The following CCSER1 variants were observed in gnomAD, a reference collection of about 807,000 sequenced individuals.
The protein encoded by CCSER1 is coiled-coil serine rich protein 1.
CCSER1 carries 41 observed loss-of-function variants against 82.0 expected under a neutral mutation model. That is an observed-to-expected ratio of 0.50 (90% CI 0.39 to 0.65). The LOEUF (loss-of-function observed/expected upper bound fraction) is 0.65. CCSER1 is among the 30% of genes least tolerant of loss of function. The pLI is 0.00. For missense variants in CCSER1, 1,119 were observed against 1,064.2 expected (o/e 1.05, Z -0.72); for synonymous variants, 414 against 383.9 (o/e 1.08, Z -0.92).
At chr4:91,140,126 G>A (rs1728887342) in intron 10 of CCSER1, among the ~76,000 whole-genome samples, 1 of 151,928 alleles carries the variant, frequency 6.6e-6, no homozygotes, top group Non-Finnish European at 1.5e-5. Flanking sequence ...AAGGTAGAGT[G>A]TATGAAATTA....
intron 10 of CCSER1, among the ~76,000 whole-genome samples, chr4:91,371,151 C>T (rs375253811): frequency 2.2e-4 from 33 of 152,280 alleles, no homozygotes; most frequent in African/African-American, 6.7e-4. Context: ...GCATGAGCCA[C>T]CACAACTGCC....
At chr4:91,110,021 T>C (rs1398317911) in intron 10 of CCSER1, among the ~76,000 whole-genome samples, 2 of 152,056 alleles carry the variant, frequency 1.3e-5, no homozygotes, top group Admixed American at 6.5e-5. Flanking sequence ...CTTATACAAG[T>C]TCTGCCCTTT....
intron 10 of CCSER1, among the ~76,000 whole-genome samples, chr4:91,575,412 A>G (rs1370943614): frequency 6.6e-6 from 1 of 152,062 alleles, no homozygotes; most frequent in Non-Finnish European, 1.5e-5. Flanking sequence ...GGGAGCAATT[A>G]AAAAATGAAA....
intron 4 of CCSER1, among the ~76,000 whole-genome samples, chr4:90,423,708 C>T (rs182560539): frequency 9.9e-4 from 151 of 152,058 alleles, no homozygotes; most frequent in African/African-American, 3.5e-3. Context: ...AACTCCTAAC[C>T]TCAGGTGATC....
intron 10 of CCSER1, among the ~76,000 whole-genome samples, chr4:91,507,331 G>A (rs755617568): frequency 6.6e-6 from 1 of 152,176 alleles, no homozygotes; most frequent in African/African-American, 2.4e-5. Context: ...TCTAGTGGGT[G>A]TGAAGTGGTA....
At chr4:90,337,076 T>A (rs1389692310) in intron 3 of CCSER1, among the ~76,000 whole-genome samples, 1 of 152,210 alleles carries the variant, frequency 6.6e-6, no homozygotes, top group African/African-American at 2.4e-5. Context: ...GAATATCTGT[T>A]CTCTGGCTCT....
intron 9 of CCSER1, among the ~76,000 whole-genome samples, chr4:91,083,907 T>C (rs1462371766): frequency 3.9e-5 from 6 of 152,098 alleles, no homozygotes; most frequent in Admixed American, 3.9e-4. Context: ...CAGAATTAGA[T>C]GGTAGGAAAA....
chr4:90,974,842 A>G (rs1448333176), intron 9 of CCSER1, among the ~76,000 whole-genome samples: 1 of 151,456 alleles, frequency 6.6e-6, no homozygotes, highest in Non-Finnish European at 1.5e-5. Flanking sequence ...GAATTACCAA[A>G]TGACCTACCA....
At chr4:90,368,152 T>C (rs985227286) in intron 3 of CCSER1, among the ~76,000 whole-genome samples, 1 of 151,964 alleles carries the variant, frequency 6.6e-6, no homozygotes, top group Non-Finnish European at 1.5e-5. Context: ...TAGGAAGTTC[T>C]GATGAACAGA....
chr4:90,170,479 C>A (rs1358640870), intron 1 of CCSER1, among the ~76,000 whole-genome samples: 1 of 150,046 alleles, frequency 6.7e-6, no homozygotes. Context: ...CTGATTTATT[C>A]TAATTATATT....
At position 90,867,239 on chromosome 4, in the gene CCSER1, A is replaced by G. The variant is rs534470546; in HGVS notation, c.2094+51394A>G. Among the ~76,000 whole-genome samples the G allele has an allele frequency of 3.9e-5, 6 of 152,072 alleles. No homozygotes were observed. The East Asian group carries it at 1.2e-3, about 30-fold the overall frequency. The stretch of plus-strand genomic sequence containing the variant: ...AGAAGACCTGAGTAAACTTATTTCT[A>G]TCCACTCACTGTCAGGCACAGTACA... On this transcript the variant is annotated intron_variant, in intron 8 of 10. Transcript: ENST00000509176.
rs1722078307 is a variant in CCSER1, at chr4:90,620,343, CAGTT to C, written c.1725-7679_1725-7676del. On this transcript the variant is annotated intron_variant, in intron 5 of 10. Coordinates refer to ENST00000509176, the MANE Select transcript of CCSER1 (RefSeq NM_001145065.2). ...CCAGAATTTCACAGTCTCTGTGTGA[CAGTT>C]AGAAAATTAATTTAGGCTTGAGCTT... Among the ~76,000 whole-genome samples, 15 of 152,220 alleles carry C rather than the reference CAGTT, an allele frequency of 9.9e-5. 1 individual carries two copies. The South Asian group carries it at 3.1e-3, about 32-fold the overall frequency.
chr4:90,527,304 C>A (rs1375549464), intron 5 of CCSER1, among the ~76,000 whole-genome samples: 3 of 152,114 alleles, frequency 2.0e-5, no homozygotes, highest in Non-Finnish European at 4.4e-5. Flanking sequence ...AGACGCTTCT[C>A]AAAAGAAGAT....
intron 1 of CCSER1, among the ~76,000 whole-genome samples, chr4:90,283,973 C>A (rs779526853): frequency 6.6e-6 from 1 of 152,000 alleles, no homozygotes; most frequent in African/African-American, 2.4e-5. Context: ...TTCTCCACAT[C>A]CTCACCAGCA....
chr4:90,931,601 G>A (rs1453759134), intron 9 of CCSER1, among the ~76,000 whole-genome samples: 1 of 152,076 alleles, frequency 6.6e-6, no homozygotes, highest in Non-Finnish European at 1.5e-5. Flanking sequence ...ACTAGCTCAT[G>A]GCTTTTCTGT....
intron 1 of CCSER1, among the ~76,000 whole-genome samples, chr4:90,298,001 G>T (rs1419029367): frequency 6.6e-6 from 1 of 152,092 alleles, no homozygotes; most frequent in Non-Finnish European, 1.5e-5. Context: ...GGATGATGCT[G>T]GCCTCATAAA....
chr4:90,993,101 G>A (rs1737182575), intron 9 of CCSER1, among the ~76,000 whole-genome samples: 1 of 151,962 alleles, frequency 6.6e-6, no homozygotes, highest in Non-Finnish European at 1.5e-5. Flanking sequence ...ATGTACTGTT[G>A]CTTCCAAAAT....
rs182260010 is a variant in CCSER1 at position 91,111,718 on chromosome 4, A to T, written c.2217+25724A>T. ...ACCAATGTAGAGTTAATACTCTATAATTCATGAGGTAGTCTGTAATAATAA... is the reference window on the plus strand; with the variant it reads ...ACCAATGTAGAGTTAATACTCTATATTTCATGAGGTAGTCTGTAATAATAA... On this transcript the variant is annotated intron_variant, in intron 10 of 10. Transcript: ENST00000509176. Among the ~76,000 whole-genome samples the T allele has an allele frequency of 5.7e-3, 861 of 151,890 alleles. 5 individuals carry two copies. The highest frequency in any genetic ancestry group is 5.6e-3 in the Non-Finnish European group (383 of 67,794).
At chr4:91,131,444 C>T (rs1186375393) in intron 10 of CCSER1, among the ~76,000 whole-genome samples, 8 of 151,378 alleles carry the variant, frequency 5.3e-5, no homozygotes. Flanking sequence ...TTGCTTCAAT[C>T]AGGCTAAACA....
Sources: gnomAD v4.1 joint callset for allele counts (sites outside exome capture counted in the v4.1 genomes callset) on GRCh38, gnomAD v4.1.1 for gene constraint, MANE v1.5 for transcripts, NCBI Gene and HGNC (gene_info 2026-07-23, HGNC 2026-07-21) for gene names.